Variants in AFG2A observed in about 807,000 individuals in gnomAD.
The protein encoded by AFG2A is AAA ATPase AFG2A, also known as ATPase family gene 2 protein homolog A.
At chr4:123,039,339 A>AC in the AFG2A span, among the ~76,000 whole-genome samples, 1 of 151,928 alleles carries the variant, frequency 6.6e-6, no homozygotes, top group Non-Finnish European at 1.5e-5. Flanking sequence ...AAAAACAGTG[A>AC]CCCCAGCAAT....
chr4:123,021,819 G>T, the AFG2A span, among the ~76,000 whole-genome samples: 1 of 152,108 alleles, frequency 6.6e-6, no homozygotes. Flanking sequence ...AAACAGCATG[G>T]TACTGGTACC....
At chr4:123,035,440 C>T in the AFG2A span, among the ~76,000 whole-genome samples, 9 of 151,824 alleles carry the variant, frequency 5.9e-5, no homozygotes, top group African/African-American at 1.5e-4. Flanking sequence ...TTGCTTAAAT[C>T]GGCAGTTATT....
the AFG2A span, among the ~76,000 whole-genome samples, chr4:123,302,885 G>A: frequency 1.3e-5 from 2 of 152,338 alleles, no homozygotes; most frequent in East Asian, 3.9e-4. Context: ...AGATTAGGTA[G>A]ATGAGCCAGT....
At chr4:123,180,884 C>T in the AFG2A span, among the ~76,000 whole-genome samples, 2 of 151,148 alleles carry the variant, frequency 1.3e-5, no homozygotes, top group African/African-American at 2.4e-5. Flanking sequence ...CTGTAAAGGT[C>T]TGGGTAGTAA....
At chr4:123,003,211 G>T in the AFG2A span, among the ~76,000 whole-genome samples, 1,852 of 152,194 alleles carry the variant, frequency 0.012, 43 homozygotes, top group African/African-American at 0.041. Context: ...TTCGTCTAAA[G>T]TTTTTTCAAA....
the AFG2A span, among the ~76,000 whole-genome samples, chr4:123,215,923 C>T: frequency 5.8e-4 from 88 of 152,236 alleles, no homozygotes; most frequent in African/African-American, 1.9e-3. Context: ...TTTTTTACTT[C>T]ACTCTTGAAC....
chr4:123,258,396 C>G, the AFG2A span, among the ~76,000 whole-genome samples: 1 of 152,166 alleles, frequency 6.6e-6, no homozygotes, highest in African/African-American at 2.4e-5. Context: ...TCATTTCTCT[C>G]TCTCTGTTTC....
At chr4:123,205,838 T>C in the AFG2A span, among the ~76,000 whole-genome samples, 6 of 152,194 alleles carry the variant, frequency 3.9e-5, no homozygotes, top group South Asian at 2.1e-4. Flanking sequence ...CATTATAATC[T>C]CAACAGGGAA....
At chr4:123,226,639 G>A in the AFG2A span, among the ~76,000 whole-genome samples, 2,155 of 152,142 alleles carry the variant, frequency 0.014, 50 homozygotes, top group African/African-American at 0.049. Context: ...TTTTTGCATC[G>A]ATGTTCATCA....
At chr4:123,100,006 G>A in the AFG2A span, among the ~76,000 whole-genome samples, 1 of 151,900 alleles carries the variant, frequency 6.6e-6, no homozygotes, top group Non-Finnish European at 1.5e-5. Context: ...TTTAATATTA[G>A]AGAAAGTAAT....
At chr4:123,181,203 C>G in the AFG2A span, among the ~76,000 whole-genome samples, 1 of 151,974 alleles carries the variant, frequency 6.6e-6, no homozygotes, top group Non-Finnish European at 1.5e-5. Flanking sequence ...CCAGGATGGT[C>G]TCGATCTCCT....
At chr4:123,110,373 A>G in the AFG2A span, among the ~76,000 whole-genome samples, 1 of 152,102 alleles carries the variant, frequency 6.6e-6, no homozygotes. Flanking sequence ...TTGTGACCTA[A>G]ACCTGTATTC....
chr4:123,052,220 C>A, the AFG2A span, among the ~76,000 whole-genome samples: 1 of 152,004 alleles, frequency 6.6e-6, no homozygotes, highest in Non-Finnish European at 1.5e-5. Context: ...TTTCATCAGT[C>A]CTGCTGTTGA....
At chr4:122,988,065 G>GT in the AFG2A span, among the ~76,000 whole-genome samples, 272 of 148,376 alleles carry the variant, frequency 1.8e-3, 2 homozygotes, top group African/African-American at 6.2e-3. Context: ...TTTGTTGGCA[G>GT]TTTTTTTTTT....
At chr4:123,284,311 G>A in the AFG2A span, among the ~76,000 whole-genome samples, 2 of 152,172 alleles carry the variant, frequency 1.3e-5, no homozygotes, top group Non-Finnish European at 2.9e-5. Flanking sequence ...CTGAGGTTAA[G>A]CTTTATTTCT....
chr4:123,099,641 G>C, the AFG2A span, among the ~76,000 whole-genome samples: 1 of 151,608 alleles, frequency 6.6e-6, no homozygotes, highest in Non-Finnish European at 1.5e-5. Flanking sequence ...TAATAGTAGG[G>C]AGGCTGAATT....
the AFG2A span, among the ~76,000 whole-genome samples, chr4:123,075,385 GC>G: frequency 2.0e-5 from 3 of 151,416 alleles, no homozygotes; most frequent in Middle Eastern, 0.011. Context: ...TGTAACCTTC[GC>G]CTCCCAGGTT....
the AFG2A span, among the ~76,000 whole-genome samples, chr4:123,036,373 A>G: frequency 6.6e-6 from 1 of 152,186 alleles, no homozygotes; most frequent in African/African-American, 2.4e-5. Flanking sequence ...AAGGAGAAAC[A>G]GGTTGGAGGT....
chr4:123,268,896 T>C, the AFG2A span, among the ~76,000 whole-genome samples: 1 of 152,208 alleles, frequency 6.6e-6, no homozygotes, highest in Non-Finnish European at 1.5e-5. Context: ...AGCTTTTCTA[T>C]AAATCTGGCA....
Sources: allele counts gnomAD v4.1 joint callset (sites outside exome capture counted in the v4.1 genomes callset), GRCh38; gene constraint gnomAD v4.1.1; transcripts MANE v1.5; gene names NCBI Gene and HGNC (gene_info 2026-07-23, HGNC 2026-07-21).